The following TENM4 variants were observed in gnomAD, a reference collection of about 807,000 sequenced individuals.
TENM4 encodes the protein teneurin-4.
In TENM4, 82 loss-of-function variants were observed where a neutral mutation model predicts 243.3. The observed-to-expected ratio is 0.34, with a 90% confidence interval of 0.28 to 0.40. TENM4 has a LOEUF of 0.40. TENM4 is among the 10% of genes least tolerant of loss of function. The pLI is 1.00. For missense variants in TENM4, 3,138 were observed against 3,673.3 expected (o/e 0.85, Z 3.77); for synonymous variants, 1,412 against 1,456.3 (o/e 0.97, Z 0.69).
At chr11:78,862,444 T>C (rs1205020377) in intron 10 of TENM4, among the ~76,000 whole-genome samples, 1 of 152,230 alleles carries the variant, frequency 6.6e-6, no homozygotes, top group Non-Finnish European at 1.5e-5. Context: ...ATTGTTATTA[T>C]TGCGGATGCG....
rs79849068 is a variant in TENM4 at position 79,236,889 on chromosome 11, T to C, written c.-264-20980A>G. Among the ~76,000 whole-genome samples the C allele has an allele frequency of 4.3e-4, 65 of 152,240 alleles. 1 individual carries two copies. In the East Asian group the frequency reaches 0.012, roughly 28 times the overall value. ...ACAGTGGTGGAGGTGTTTGTTTATC[T>C]GGACAGCTGTGGCGTAGGCTCTGCT... On this transcript the variant is annotated intron_variant, in intron 2 of 33. Coordinates refer to ENST00000278550, the MANE Select transcript of TENM4 (RefSeq NM_001098816.3).
intron 15 of TENM4, among the ~76,000 whole-genome samples, chr11:78,789,213 C>T (rs1454745362): frequency 1.3e-5 from 2 of 152,120 alleles, no homozygotes; most frequent in East Asian, 1.9e-4. Context: ...GAATGGTAAA[C>T]ATTCACCACA....
chr11:78,918,004 C>A (rs1378450146), intron 6 of TENM4, among the ~76,000 whole-genome samples: 1 of 152,194 alleles, frequency 6.6e-6, no homozygotes, highest in African/African-American at 2.4e-5. Flanking sequence ...TTATCTCTAT[C>A]TTCCAGAAGA....
Position 78,658,676 on chromosome 11 carries a change from T to G in TENM4, c.7692A>C (p.Ser2564=), listed in dbSNP as rs759485865. The change falls in exon 34 of 34, where the codon TCA becomes TCC. Residue 2564 remains serine (S), a synonymous_variant. Transcript: ENST00000278550. ...PKTKKFASSG[S]VFGKGVKFAL... is the part of the protein sequence containing the mutation. Reference sequence around the variant, plus strand: ...CAAACTTGACCCCCTTGCCAAAGACTGAGCCGCTGGATGCAAACTTCTTGG... The same window carrying G: ...CAAACTTGACCCCCTTGCCAAAGACGGAGCCGCTGGATGCAAACTTCTTGG... 141 of 1,614,064 alleles carry G rather than the reference T, an allele frequency of 8.7e-5. No individual in the cohort carries two copies. The South Asian group carries it at 1.5e-3, about 17-fold the overall frequency.
chr11:79,125,992 T>C (rs189505992), intron 4 of TENM4, among the ~76,000 whole-genome samples: 4 of 152,280 alleles, frequency 2.6e-5, no homozygotes, highest in African/African-American at 7.2e-5. Context: ...GGGTGTAGGA[T>C]AATGGTAGAA....
intron 6 of TENM4, among the ~76,000 whole-genome samples, chr11:79,012,695 G>A (rs187099399): frequency 2.6e-4 from 39 of 152,280 alleles, no homozygotes; most frequent in Admixed American, 2.5e-3. Flanking sequence ...TGTTTACTGA[G>A]TTTACAGCAT....
chr11:78,967,686 CT>C (rs1237308347), intron 6 of TENM4, among the ~76,000 whole-genome samples: 2 of 152,176 alleles, frequency 1.3e-5, no homozygotes, highest in African/African-American at 4.8e-5. Context: ...GTAGGTGTGC[CT>C]TCCCACATGT....
intron 12 of TENM4, among the ~76,000 whole-genome samples, chr11:78,830,600 T>C (rs1426144939): frequency 6.6e-6 from 1 of 152,220 alleles, no homozygotes; most frequent in Non-Finnish European, 1.5e-5. Flanking sequence ...TCCAGAGCAG[T>C]TGGCCTGAGG....
chr11:79,351,289 G>A (rs191044995), intron 1 of TENM4, among the ~76,000 whole-genome samples: 7 of 152,154 alleles, frequency 4.6e-5, no homozygotes, highest in Admixed American at 2.6e-4. Flanking sequence ...CTCACTGATT[G>A]TGTTGCTGTC....
Position 79,298,384 on chromosome 11 carries a change from G to C in TENM4, c.-320-841C>G, listed in dbSNP as rs11826615. Among the ~76,000 whole-genome samples the C allele has an allele frequency of 4.6e-3, 688 of 150,814 alleles. 8 individuals are homozygous for C. Among genetic ancestry groups the C allele is most frequent in the African/African-American group, 0.016 (661 of 41,106 alleles). On this transcript the variant is annotated intron_variant, in intron 1 of 33. Transcript: ENST00000278550. ...CAAAAAATTAGCCGGGCGCGGTGGC[G>C]GGCGCCTGTAGTCCCAGCTACTCGG...
chr11:79,151,031 G>A (rs564858152), intron 3 of TENM4, among the ~76,000 whole-genome samples: 15 of 152,178 alleles, frequency 9.9e-5, no homozygotes, highest in Admixed American at 2.6e-4. Flanking sequence ...GATTCAAACC[G>A]CAGTCCATCC....
rs774037488 is a variant in TENM4 at position 78,669,844 on chromosome 11, G to A, written c.6501C>T (p.Thr2167=). 7.4e-6 allele frequency: 12 copies of A among 1,613,628 alleles called. No individual in the cohort carries two copies. The highest frequency in any genetic ancestry group is 6.8e-6 in the Non-Finnish European group (8 of 1,179,812). Reference sequence around the variant, plus strand: ...CTCGCCCCATGTTATCATACTGGACGGTCATCCAGTACATGAGCGAGCGGA... The same window carrying A: ...CTCGCCCCATGTTATCATACTGGACAGTCATCCAGTACATGAGCGAGCGGA... ...EIFRSLMYWM[T]VQYDNMGRVV... The change falls in exon 32 of 34, where the codon ACC becomes ACT. Residue 2167 remains threonine (T), a synonymous_variant. Coordinates refer to ENST00000278550, the MANE Select transcript of TENM4 (RefSeq NM_001098816.3). This position sits in a 1 kb window ranked among gnomAD's most constrained non-coding sequence, Gnocchi z 6.4.
chr11:78,770,106 G>A (rs935522582), intron 18 of TENM4, among the ~76,000 whole-genome samples: 1 of 152,162 alleles, frequency 6.6e-6, no homozygotes. Context: ...AGGGTTAACT[G>A]TTTTGATGTT....
chr11:79,067,738 C>T (rs974671134), intron 5 of TENM4, among the ~76,000 whole-genome samples: 1 of 152,190 alleles, frequency 6.6e-6, no homozygotes, highest in African/African-American at 2.4e-5. Context: ...TTACTTCATC[C>T]AATTTAAGAA....
At chr11:78,754,698 C>T (rs1345164069) in intron 19 of TENM4, among the ~76,000 whole-genome samples, 2 of 152,208 alleles carry the variant, frequency 1.3e-5, no homozygotes, top group Non-Finnish European at 2.9e-5. Flanking sequence ...GCTTCCCACC[C>T]AGAGACAGAA....
At chr11:79,253,115 A>G (rs1855640537) in intron 2 of TENM4, among the ~76,000 whole-genome samples, 2 of 152,254 alleles carry the variant, frequency 1.3e-5, no homozygotes, top group Non-Finnish European at 2.9e-5. Flanking sequence ...ACTAAGGCTT[A>G]TTCTGTCTGT....
At chr11:78,863,824 C>A in intron 9 of TENM4, among the ~76,000 whole-genome samples, 1 of 152,182 alleles carries the variant, frequency 6.6e-6, no homozygotes, top group South Asian at 2.1e-4. Context: ...GGACATAAAG[C>A]TTCCAATTCT....
chr11:78,734,026 T>C (rs1855732226), intron 20 of TENM4, among the ~76,000 whole-genome samples: 1 of 152,068 alleles, frequency 6.6e-6, no homozygotes, highest in Non-Finnish European at 1.5e-5. Flanking sequence ...CCGTTTCTAC[T>C]AAAAATACAA....
intron 6 of TENM4, chr11:79,014,637 G>A (rs1176625987): frequency 6.6e-6 from 1 of 152,242 alleles, no homozygotes; most frequent in African/African-American, 2.4e-5. Flanking sequence ...TCTGCTTAGA[G>A]AGGAGGCAGC....
Sources: allele counts gnomAD v4.1 joint callset (sites outside exome capture counted in the v4.1 genomes callset), GRCh38; gene constraint gnomAD v4.1.1; non-coding constraint Gnocchi (gnomAD v3.1); transcripts MANE v1.5; gene names NCBI Gene and HGNC (gene_info 2026-07-23, HGNC 2026-07-21).